ANKRD44: variants seen among roughly 807,000 people sequenced by gnomAD.
The protein encoded by ANKRD44 is ankyrin repeat domain 44, also known as serine/threonine-protein phosphatase 6 regulatory ankyrin repeat subunit B.
Under a neutral mutation model 116.0 loss-of-function variants are expected in ANKRD44, and 35 were observed. The observed-to-expected ratio is 0.30, with a 90% CI of 0.23 to 0.40. ANKRD44 has a LOEUF of 0.40. Ranked by LOEUF, ANKRD44 falls within the 10% of genes least tolerant of loss-of-function variation. ANKRD44 has a pLI of 1.00. For synonymous variants in ANKRD44, 435 were observed against 461.8 expected (o/e 0.94, Z 0.74); for missense variants, 1,014 against 1,242.6 (o/e 0.82, Z 2.77).
chr2:197,159,588 T>C (rs1300214199), intron 2 of ANKRD44, among the ~76,000 whole-genome samples: 1 of 152,366 alleles, frequency 6.6e-6, no homozygotes, highest in South Asian at 2.1e-4. Flanking sequence ...TTCAATACCT[T>C]GTAGTAGGTT....
At chr2:197,289,941 C>T (rs2083514945) in intron 1 of ANKRD44, among the ~76,000 whole-genome samples, 1 of 151,640 alleles carries the variant, frequency 6.6e-6, no homozygotes, top group African/African-American at 2.4e-5. Flanking sequence ...TCTCGGCTCA[C>T]TGCAACCTCC....
At chr2:197,127,520 T>C (rs2125348707) in intron 4 of ANKRD44, among the ~76,000 whole-genome samples, 1 of 152,310 alleles carries the variant, frequency 6.6e-6, no homozygotes, top group South Asian at 2.1e-4. Context: ...GTCTGCCTTC[T>C]CCTGTATCAC....
At chr2:196,998,873 G>T (rs781279277) in intron 24 of ANKRD44, 34 bp downstream of exon 24, 1 of 1,606,196 alleles carries the variant, frequency 6.2e-7, no homozygotes, top group Non-Finnish European at 8.5e-7. Context: ...TTTTGCATGG[G>T]CATAAGGGCA....
At chr2:197,278,933 G>A (rs1379677190) in intron 1 of ANKRD44, among the ~76,000 whole-genome samples, 7 of 152,192 alleles carry the variant, frequency 4.6e-5, no homozygotes, top group South Asian at 4.1e-4. Context: ...ATCCCTCCAC[G>A]TGGAATTCTC....
chr2:197,103,299 A>T (rs921993563), intron 9 of ANKRD44, among the ~76,000 whole-genome samples: 2 of 151,296 alleles, frequency 1.3e-5, no homozygotes, highest in African/African-American at 4.9e-5. Context: ...GTTGTTAGGG[A>T]GTCTTTCCCT....
chr2:197,113,458 A>G (rs1382802729), intron 8 of ANKRD44, among the ~76,000 whole-genome samples: 1 of 152,200 alleles, frequency 6.6e-6, no homozygotes, highest in Non-Finnish European at 1.5e-5. Context: ...ATATGAAACC[A>G]TAAGTAATTA....
intron 10 of ANKRD44, among the ~76,000 whole-genome samples, chr2:197,092,441 A>G (rs1165992017): frequency 2.0e-5 from 3 of 152,238 alleles, no homozygotes; most frequent in Non-Finnish European, 4.4e-5. Context: ...GAAAAAGGAT[A>G]TACACATTCA....
intron 1 of ANKRD44, chr2:197,199,043 G>A (rs971923557): frequency 6.6e-6 from 1 of 152,158 alleles, no homozygotes; most frequent in Non-Finnish European, 1.5e-5. Flanking sequence ...GCCGAGCCTG[G>A]TTAGCTCTGA....
At chr2:197,035,847 C>T (rs2076797320) in intron 16 of ANKRD44, among the ~76,000 whole-genome samples, 1 of 151,842 alleles carries the variant, frequency 6.6e-6, no homozygotes, top group African/African-American at 2.4e-5. Context: ...GTGTCAATCT[C>T]CTCCCTTCAG....
intron 26 of ANKRD44, chr2:196,994,701 T>C (rs1035609392): frequency 6.6e-6 from 1 of 151,906 alleles, no homozygotes; most frequent in Non-Finnish European, 1.5e-5. Context: ...TGTTGTATTT[T>C]TAGTAGAGAC....
chr2:197,049,166 C>A (rs1028264671), intron 16 of ANKRD44, among the ~76,000 whole-genome samples: 19 of 152,136 alleles, frequency 1.2e-4, no homozygotes, highest in Non-Finnish European at 4.4e-5. Context: ...TTTTGCCGTG[C>A]AGAAGCTCTT....
At chr2:197,268,367 G>A (rs777826341) in intron 1 of ANKRD44, among the ~76,000 whole-genome samples, 4 of 152,230 alleles carry the variant, frequency 2.6e-5, no homozygotes, top group African/African-American at 4.8e-5. Flanking sequence ...CAAGAACAAT[G>A]TGATGAAGGC....
At chr2:197,131,381 C>T (rs1574514146) in intron 4 of ANKRD44, among the ~76,000 whole-genome samples, 1 of 151,864 alleles carries the variant, frequency 6.6e-6, no homozygotes, top group South Asian at 2.1e-4. Flanking sequence ...TTAGTAGAGA[C>T]GGGGTTTCAC....
At chr2:197,189,742 A>T (rs1048011387) in intron 1 of ANKRD44, among the ~76,000 whole-genome samples, 1 of 152,228 alleles carries the variant, frequency 6.6e-6, no homozygotes, top group Non-Finnish European at 1.5e-5. Context: ...CAAGATTTTC[A>T]TGTTAAATCA....
At chr2:197,125,546 G>T in intron 5 of ANKRD44, 78 bp from the exon 6 acceptor site, 1 of 1,320,412 alleles carries the variant, frequency 7.6e-7, no homozygotes, top group Non-Finnish European at 1.1e-6. Context: ...GATGATCTGA[G>T]CCAAATTAAC....
At chr2:197,219,373 G>T (rs1011191783) in intron 1 of ANKRD44, among the ~76,000 whole-genome samples, 1 of 152,072 alleles carries the variant, frequency 6.6e-6, no homozygotes, top group South Asian at 2.1e-4. Context: ...TGGCCCTAAA[G>T]TCACTTTTTT....
At chr2:197,244,532 A>G (rs1349234232) in intron 1 of ANKRD44, among the ~76,000 whole-genome samples, 1 of 152,140 alleles carries the variant, frequency 6.6e-6, no homozygotes, top group Non-Finnish European at 1.5e-5. Context: ...CACCAACCAC[A>G]TGTTGGGATA....
At chr2:197,251,427 C>T (rs764162531) in intron 1 of ANKRD44, among the ~76,000 whole-genome samples, 1 of 152,164 alleles carries the variant, frequency 6.6e-6, no homozygotes, top group Non-Finnish European at 1.5e-5. Flanking sequence ...ACATCCACTG[C>T]TAATGTGTTC....
intron 1 of ANKRD44, among the ~76,000 whole-genome samples, chr2:197,270,870 G>A (rs368130421): frequency 2.0e-5 from 3 of 152,274 alleles, no homozygotes. Flanking sequence ...CCCCACACTG[G>A]TGTCCACAAC....
Sources: gnomAD v4.1 joint callset for allele counts (sites outside exome capture counted in the v4.1 genomes callset) on GRCh38, gnomAD v4.1.1 for gene constraint, MANE v1.5 for transcripts, NCBI Gene and HGNC (gene_info 2026-07-23, HGNC 2026-07-21) for gene names.